CNGA1: variants seen among roughly 807,000 people sequenced by gnomAD.
CNGA1 encodes cyclic nucleotide-gated channel alpha-1.
CNGA1 carries 53 observed loss-of-function variants against 69.7 expected under a neutral mutation model. That is an observed-to-expected ratio of 0.76 (90% CI 0.61 to 0.96). The LOEUF is 0.96. Ranked by LOEUF, CNGA1 falls within the 40% of genes least tolerant of loss-of-function variation. CNGA1 has a pLI of 0.00. For synonymous variants in CNGA1, 249 were observed against 283.5 expected (o/e 0.88, Z 1.22); for missense variants, 739 against 811.2 (o/e 0.91, Z 1.08).
Position 47,936,192 on chromosome 4 carries a change from T to G in CNGA1, c.*229A>C, listed in dbSNP as rs1738627856. The G allele has an allele frequency of 1.7e-6, 1 of 584,272 alleles. No individual in the cohort carries two copies. Among genetic ancestry groups the G allele is most frequent in the Non-Finnish European group, 3.0e-6 (1 of 329,684 alleles). 36.2% of individuals were successfully genotyped at this position (584,272 alleles called of 1,614,324 possible). A position where few individuals can be genotyped will look rare whatever the true frequency, so the allele number is the denominator to read the frequency against. On this transcript the variant is annotated 3_prime_UTR_variant, in exon 11 of 11. Coordinates refer to ENST00000514170, the MANE Select transcript of CNGA1 (RefSeq NM_001379270.1). ...ATACAGACACTGACAAGTTAATCAG[T>G]TTATATCTTTGCACATTATCAGTTG...
At chr4:47,940,684 T>G in intron 10 of CNGA1, 79 bp downstream of exon 10, 1 of 1,032,228 alleles carries the variant, frequency 9.7e-7, no homozygotes, top group Non-Finnish European at 1.5e-6. Flanking sequence ...TGAAGAATAC[T>G]TGGATTAGGA....
intron 9 of CNGA1, among the ~76,000 whole-genome samples, chr4:47,941,091 C>T (rs1243158056): frequency 1.3e-5 from 2 of 152,154 alleles, no homozygotes; most frequent in Admixed American, 6.5e-5. Context: ...TTCCATGATA[C>T]TAGTCAGCTT....
chr4:47,971,035 G>A lies in CNGA1; in HGVS notation c.-15+10358C>T, dbSNP rs567023868. 11 of 454,766 alleles carry A rather than the reference G, an allele frequency of 2.4e-5. 1 individual carries two copies. The highest frequency in any genetic ancestry group is 4.3e-4 in the Middle Eastern group (1 of 2,338). 28.2% of individuals were successfully genotyped at this position (454,766 alleles called of 1,614,324 possible). A position where few individuals can be genotyped will look rare whatever the true frequency, so the allele number is the denominator to read the frequency against. On this transcript the variant is annotated intron_variant, in intron 3 of 10. Coordinates refer to ENST00000514170, the MANE Select transcript of CNGA1 (RefSeq NM_001379270.1). The stretch of plus-strand genomic sequence containing the variant: ...GCTGGAAATCGCTTGAATCTGGGAG[G>A]TGAAGACTGCAGTGAGCCGAGATCG...
intron 2 of CNGA1, among the ~76,000 whole-genome samples, chr4:47,997,750 GTC>G (rs1207833752): frequency 6.6e-6 from 1 of 152,038 alleles, no homozygotes; most frequent in Non-Finnish European, 1.5e-5. Flanking sequence ...ACTTTGCATT[GTC>G]TCAACACAAT....
chr4:47,971,769 C>G (rs1170271029), intron 3 of CNGA1, among the ~76,000 whole-genome samples: 1 of 152,152 alleles, frequency 6.6e-6, no homozygotes, highest in Non-Finnish European at 1.5e-5. Context: ...TGGCATGCGC[C>G]TGTAGTCCCA....
At chr4:47,986,985 T>C (rs1300997060) in intron 2 of CNGA1, among the ~76,000 whole-genome samples, 4 of 152,006 alleles carry the variant, frequency 2.6e-5, no homozygotes, top group Admixed American at 6.6e-5. Flanking sequence ...TTGTGTTGTG[T>C]TGTGTTGTGT....
Position 47,937,511 on chromosome 4 carries a change from C to A in CNGA1, c.971G>T (p.Gly324Val). The A allele has an allele frequency of 6.2e-7, 1 of 1,614,144 alleles. No homozygotes were observed. Among genetic ancestry groups the A allele is most frequent in the South Asian group, 1.1e-5 (1 of 91,082 alleles). ...FYSISKAIGFGNDTWVYPDIN... is the reference protein window; with the variant it reads ...FYSISKAIGFVNDTWVYPDIN... The stretch of plus-strand genomic sequence containing the variant: ...ATCAGGGTAGACCCATGTATCATTT[C>A]CAAATCCAATAGCTTTAGAAATAGA... Residue 324 changes from glycine (G) to valine (V), a missense_variant, in exon 11 of 11, where the codon GGA becomes GTA. Physicochemically the swap from Gly to Val is moderately radical, Grantham distance 109. Coordinates refer to ENST00000514170, the MANE Select transcript of CNGA1 (RefSeq NM_001379270.1).
chr4:47,959,876 G>T (rs1384478350), intron 3 of CNGA1, among the ~76,000 whole-genome samples: 1 of 152,150 alleles, frequency 6.6e-6, no homozygotes, highest in Non-Finnish European at 1.5e-5. Context: ...AAAGTGCTGG[G>T]ATTACAGTTG....
chr4:47,976,659 G>A (rs1330535478), intron 3 of CNGA1, among the ~76,000 whole-genome samples: 1 of 151,886 alleles, frequency 6.6e-6, no homozygotes, highest in Admixed American at 6.6e-5. Context: ...TCTGAAAAGG[G>A]TACATTTAAA....
intron 9 of CNGA1, 34 bp downstream of exon 9, chr4:47,942,007 A>T: frequency 8.0e-7 from 1 of 1,250,246 alleles, no homozygotes; most frequent in Non-Finnish European, 1.1e-6. Flanking sequence ...ATGGGGTGAG[A>T]TCCACAAAAA....
chr4:47,993,578 C>G (rs777743580), intron 2 of CNGA1, among the ~76,000 whole-genome samples: 2 of 152,024 alleles, frequency 1.3e-5, no homozygotes, highest in Non-Finnish European at 2.9e-5. Context: ...TTTCTCTCTT[C>G]TTTTCTTGGT....
At chr4:47,971,683 A>G (rs948363316) in intron 3 of CNGA1, among the ~76,000 whole-genome samples, 5 of 152,054 alleles carry the variant, frequency 3.3e-5, no homozygotes, top group Non-Finnish European at 5.9e-5. Context: ...CATTTGAGGT[A>G]AGGAGTTTCA....
Position 47,978,015 on chromosome 4 carries a change from G to A in CNGA1, c.-15+3378C>T, listed in dbSNP as rs534736130. On this transcript the variant is annotated intron_variant, in intron 3 of 10. Coordinates refer to ENST00000514170, the MANE Select transcript of CNGA1 (RefSeq NM_001379270.1). ...CTAATTTTGTATTTTTAGTAGAGAT[G>A]GGGTTTCTCCATGTTGGTCAGGCTG... Among the ~76,000 whole-genome samples, 43 of 152,094 alleles carry A rather than the reference G, an allele frequency of 2.8e-4. No homozygotes were observed. The East Asian group carries it at 5.8e-3, about 21-fold the overall frequency.
At position 48,004,569 on chromosome 4, in the gene CNGA1, G is replaced by A. The variant is rs531712741; in HGVS notation, c.-123+6225C>T. On this transcript the variant is annotated intron_variant, in intron 2 of 10. Coordinates refer to ENST00000514170, the MANE Select transcript of CNGA1 (RefSeq NM_001379270.1). ...TGGCTAGGATGGTTTATTCCTAGAT[G>A]GGTAGGTCCCAAGTTATTTAGGAAG... Among the ~76,000 whole-genome samples the A allele has an allele frequency of 4.6e-5, 7 of 152,224 alleles. No homozygotes were observed. In the South Asian group the frequency reaches 1.5e-3, roughly 32 times the overall value.
chr4:48,010,233 T>C (rs187210581), intron 2 of CNGA1, among the ~76,000 whole-genome samples: 209 of 152,330 alleles, frequency 1.4e-3, no homozygotes, highest in African/African-American at 3.2e-3. Flanking sequence ...AAATCTATCA[T>C]AGGATTGTAT....
intron 2 of CNGA1, among the ~76,000 whole-genome samples, chr4:47,999,189 G>A (rs910469330): frequency 2.6e-5 from 4 of 152,132 alleles, no homozygotes; most frequent in Admixed American, 2.0e-4. Context: ...TTTATTATCA[G>A]GTGTTAATCT....
At chr4:47,953,462 G>A (rs1182213918) in intron 3 of CNGA1, among the ~76,000 whole-genome samples, 1 of 152,116 alleles carries the variant, frequency 6.6e-6, no homozygotes, top group African/African-American at 2.4e-5. Context: ...TAGGCATTTG[G>A]ACAAAAAGGG....
chr4:48,014,989 G>A (rs1230819693), intron 1 of CNGA1, among the ~76,000 whole-genome samples: 3 of 151,936 alleles, frequency 2.0e-5, no homozygotes, highest in Non-Finnish European at 4.4e-5. Flanking sequence ...TGGTTAACAC[G>A]GTGAAACCCC....
At chr4:48,013,965 G>A (rs1715272821) in intron 1 of CNGA1, among the ~76,000 whole-genome samples, 1 of 152,134 alleles carries the variant, frequency 6.6e-6, no homozygotes. Context: ...CCCCAAGCTC[G>A]AAAGACCTGT....
Sources: allele counts gnomAD v4.1 joint callset (sites outside exome capture counted in the v4.1 genomes callset), GRCh38; gene constraint gnomAD v4.1.1; transcripts MANE v1.5; gene names NCBI Gene and HGNC (gene_info 2026-07-23, HGNC 2026-07-21).